Variants in NAALADL2 observed in about 807,000 individuals in gnomAD.
The protein encoded by NAALADL2 is inactive N-acetylated-alpha-linked acidic dipeptidase-like protein 2.
NAALADL2 carries 76 observed loss-of-function variants against 87.2 expected under a neutral mutation model. The observed-to-expected ratio is 0.87, with a 90% confidence interval of 0.72 to 1.05. The LOEUF (loss-of-function observed/expected upper bound fraction) is 1.05. Among genes scored for constraint, NAALADL2 ranks in the 50% least tolerant of loss-of-function variants. The pLI is 0.00. For synonymous variants in NAALADL2, 354 were observed against 331.0 expected, an observed-to-expected ratio of 1.07 and a Z score of -0.75; for missense variants, 1,089 against 945.8, an observed-to-expected ratio of 1.15 and a Z score of -1.99.
intron 11 of NAALADL2, among the ~76,000 whole-genome samples, chr3:175,682,705 T>G (rs554576746): frequency 6.6e-6 from 1 of 152,162 alleles, no homozygotes; most frequent in Admixed American, 6.5e-5. Flanking sequence ...TATTTTTGGT[T>G]TAATTCTTTT....
At chr3:174,742,422 C>G (rs1313628642) in intron 3 of NAALADL2, among the ~76,000 whole-genome samples, 1 of 151,596 alleles carries the variant, frequency 6.6e-6, no homozygotes, top group Non-Finnish European at 1.5e-5. Context: ...GGCTTCAGGT[C>G]AAATAACAGT....
chr3:175,218,439 AGGTTTGTTTGTTTTT>A (rs1461781966), intron 2 of NAALADL2, among the ~76,000 whole-genome samples: 1,832 of 152,236 alleles, frequency 0.012, 41 homozygotes, highest in African/African-American at 0.043. Flanking sequence ...GTTCCAAAGG[AGGTTTGTTTGTTTTT>A]GCTTTTGTTT....
chr3:175,578,140 A>G (rs1245739098), intron 10 of NAALADL2, among the ~76,000 whole-genome samples: 1 of 152,100 alleles, frequency 6.6e-6, no homozygotes, highest in South Asian at 2.1e-4. Flanking sequence ...TAAAAACAAA[A>G]TAAGAATAGG....
rs185589187 is a variant in NAALADL2 at position 174,451,494 on chromosome 3, T to C, written c.-184+10462T>C. On this transcript the variant is annotated intron_variant, in intron 1 of 3. Coordinates refer to the NAALADL2 transcript ENST00000434257. ...TATGTTTGTATTATAATCTAGGCATTTTCTTAGCATGTATCCAATTTGAAC... is the reference window on the plus strand; with the variant it reads ...TATGTTTGTATTATAATCTAGGCATCTTCTTAGCATGTATCCAATTTGAAC... 2.8e-3 allele frequency among the ~76,000 whole-genome samples: 434 copies of C among 152,308 alleles called. 5 individuals are homozygous for C. The highest frequency in any genetic ancestry group is 0.027 in the Admixed American group (410 of 15,296).
intron 2 of NAALADL2, among the ~76,000 whole-genome samples, chr3:174,622,448 T>A (rs536032883): frequency 1.3e-5 from 2 of 152,290 alleles, no homozygotes; most frequent in African/African-American, 4.8e-5. Flanking sequence ...TCATTTAGCA[T>A]TTACAGTTGA....
intron 1 of NAALADL2, among the ~76,000 whole-genome samples, chr3:174,485,342 A>T (rs1195719212): frequency 1.3e-5 from 2 of 151,806 alleles, no homozygotes; most frequent in Admixed American, 6.6e-5. Context: ...CAGGTTTGTT[A>T]TATAGGTAAA....
At chr3:174,449,287 C>G (rs1266623356) in intron 1 of NAALADL2, among the ~76,000 whole-genome samples, 1 of 152,182 alleles carries the variant, frequency 6.6e-6, no homozygotes, top group Non-Finnish European at 1.5e-5. Flanking sequence ...AGTACCCACA[C>G]AGCCTTCTAG....
chr3:175,137,932 C>G (rs919915306), intron 2 of NAALADL2, among the ~76,000 whole-genome samples: 2 of 151,974 alleles, frequency 1.3e-5, no homozygotes, highest in African/African-American at 4.8e-5. Flanking sequence ...CCGAGATTGA[C>G]CCAATTTTTA....
At chr3:175,604,770 T>C (rs1015432315) in intron 10 of NAALADL2, among the ~76,000 whole-genome samples, 1 of 152,106 alleles carries the variant, frequency 6.6e-6, no homozygotes, top group Non-Finnish European at 1.5e-5. Flanking sequence ...TCAGTGAAAA[T>C]TAAAAGATTT....
chr3:175,024,072 G>GT (rs934197174), intron 1 of NAALADL2, among the ~76,000 whole-genome samples: 2 of 151,444 alleles, frequency 1.3e-5, no homozygotes, highest in Non-Finnish European at 1.5e-5. Context: ...CTACCCTTTA[G>GT]TTTTTTCTCC....
At chr3:175,497,106 C>T (rs538710396) in intron 9 of NAALADL2, among the ~76,000 whole-genome samples, 1 of 152,184 alleles carries the variant, frequency 6.6e-6, no homozygotes, top group South Asian at 2.1e-4. Context: ...CAGGTTCTCA[C>T]TCTATTCCCT....
At chr3:175,128,608 GTATA>G (rs1727326200) in intron 2 of NAALADL2, among the ~76,000 whole-genome samples, 1 of 152,082 alleles carries the variant, frequency 6.6e-6, no homozygotes, top group Admixed American at 6.6e-5. Flanking sequence ...TGTGCAGTAG[GTATA>G]AGGGAATACA....
intron 2 of NAALADL2, among the ~76,000 whole-genome samples, chr3:174,734,593 A>G (rs1007648337): frequency 6.6e-6 from 1 of 152,136 alleles, no homozygotes; most frequent in Non-Finnish European, 1.5e-5. Context: ...CAACATACGA[A>G]TTTTGGGAAA....
intron 11 of NAALADL2, among the ~76,000 whole-genome samples, chr3:175,685,512 A>T (rs561764892): frequency 6.6e-6 from 1 of 151,702 alleles, no homozygotes; most frequent in African/African-American, 2.4e-5. Flanking sequence ...ACATAGAGAC[A>T]GAGGAAGTGA....
chr3:174,800,186 C>T lies in NAALADL2; in HGVS notation c.-9+62440C>T, dbSNP rs181485039. Among the ~76,000 whole-genome samples the T allele has an allele frequency of 5.9e-4, 90 of 152,138 alleles. 1 individual carries two copies. The highest frequency in any genetic ancestry group is 3.9e-4 in the Admixed American group (6 of 15,262). On this transcript the variant is annotated intron_variant, in intron 3 of 3. Coordinates refer to the NAALADL2 transcript ENST00000434257. ...TGGCTGCAGAAATTTGCATAAGTAACGAGGAGCTGAATGTTAATCACCAAG... is the reference window on the plus strand; with the variant it reads ...TGGCTGCAGAAATTTGCATAAGTAATGAGGAGCTGAATGTTAATCACCAAG...
chr3:175,714,894 A>G (rs544309725), intron 11 of NAALADL2, among the ~76,000 whole-genome samples: 1 of 152,312 alleles, frequency 6.6e-6, no homozygotes, highest in South Asian at 2.1e-4. Context: ...AGATGAATTA[A>G]AGACTTAAAC....
At chr3:175,465,375 CA>C (rs1376846372) in intron 7 of NAALADL2, among the ~76,000 whole-genome samples, 1 of 150,960 alleles carries the variant, frequency 6.6e-6, no homozygotes, top group African/African-American at 2.4e-5. Flanking sequence ...CAATTCCAAG[CA>C]AAACTTTTGA....
intron 1 of NAALADL2, among the ~76,000 whole-genome samples, chr3:174,498,772 T>C (rs1718708395): frequency 6.6e-6 from 1 of 151,976 alleles, no homozygotes; most frequent in Non-Finnish European, 1.5e-5. Flanking sequence ...TGGTTATATT[T>C]AGCTATTCTA....
chr3:175,598,031 G>T (rs566334080), intron 10 of NAALADL2, among the ~76,000 whole-genome samples: 1 of 151,820 alleles, frequency 6.6e-6, no homozygotes, highest in Non-Finnish European at 1.5e-5. Context: ...GTATGTATAC[G>T]TTGTATTATG....
Sources: allele counts gnomAD v4.1 joint callset (sites outside exome capture counted in the v4.1 genomes callset), GRCh38; gene constraint gnomAD v4.1.1; transcripts MANE v1.5; gene names NCBI Gene and HGNC (gene_info 2026-07-23, HGNC 2026-07-21).